The following XRN2 variants were observed in gnomAD, a reference collection of about 807,000 sequenced individuals.
XRN2 encodes DHM1-like protein.
A neutral mutation model predicts 138.5 loss-of-function variants in XRN2; 44 were observed. The ratio of observed to expected loss-of-function variants is 0.32; its 90% CI spans 0.25 to 0.41. The LOEUF is 0.41. Ranked by LOEUF, XRN2 falls within the 10% of genes least tolerant of loss-of-function variation. XRN2 has a pLI of 1.00. For synonymous variants in XRN2, 354 were observed against 369.4 expected, an observed-to-expected ratio of 0.96 and a Z score of 0.48; for missense variants, 937 against 1,169.3, an observed-to-expected ratio of 0.80 and a Z score of 2.90.
At chr20:21,341,544 C>T (rs1037880121) in intron 15 of XRN2, among the ~76,000 whole-genome samples, 2 of 152,130 alleles carry the variant, frequency 1.3e-5, no homozygotes, top group African/African-American at 4.8e-5. Flanking sequence ...ACTTTGTCCA[C>T]CACCTTCCTA....
At position 21,349,418 on chromosome 20, in the gene XRN2, A is replaced by C. The variant is rs761723362; in HGVS notation, c.1893A>C (p.Glu631Asp). Reference protein sequence around the residue: ...PDSSIIDFYPEDFAIDLNGKK... With the variant: ...PDSSIIDFYPDDFAIDLNGKK... ...CTAGTATAATTGACTTCTATCCTGA[A>C]GATTTTGCTATTGATTTGAATGGGA... The change falls in exon 20 of 30, where the codon GAA becomes GAC. Residue 631 changes from glutamate to aspartate, a missense_variant. This residue lies in a region of XRN2 where 372 missense variants were observed against 414.4 expected (regional missense o/e 0.90). Coordinates refer to ENST00000377191, the MANE Select transcript of XRN2 (RefSeq NM_012255.5). 2 of 1,608,674 alleles carry C rather than the reference A, an allele frequency of 1.2e-6. No homozygotes were observed. The highest frequency in any genetic ancestry group is 3.3e-5 in the Admixed American group (2 of 59,946).
At chr20:21,335,261 G>T (rs535155300) in intron 13 of XRN2, among the ~76,000 whole-genome samples, 1 of 152,266 alleles carries the variant, frequency 6.6e-6, no homozygotes, top group East Asian at 1.9e-4. Flanking sequence ...AGCAAGGGAG[G>T]CCAGCAGTGG....
At chr20:21,363,794 T>A (rs2038664014) in intron 24 of XRN2, among the ~76,000 whole-genome samples, 1 of 152,188 alleles carries the variant, frequency 6.6e-6, no homozygotes, top group Admixed American at 6.5e-5. Context: ...AGTGTAATCA[T>A]TGGAGGAATT....
intron 26 of XRN2, among the ~76,000 whole-genome samples, chr20:21,367,661 A>C (rs984319091): frequency 5.9e-5 from 9 of 152,262 alleles, no homozygotes; most frequent in Admixed American, 4.6e-4. Flanking sequence ...AGTGAGCCTA[A>C]TGTCTGTCAA....
chr20:21,378,562 G>A (rs1006650678), intron 27 of XRN2, among the ~76,000 whole-genome samples: 1 of 152,088 alleles, frequency 6.6e-6, no homozygotes, highest in Non-Finnish European at 1.5e-5. Context: ...AAAATAACCA[G>A]ACTAAATGAA....
chr20:21,372,156 C>T (rs577111038), intron 27 of XRN2, among the ~76,000 whole-genome samples: 77 of 152,302 alleles, frequency 5.1e-4, no homozygotes, highest in Middle Eastern at 3.4e-3. Context: ...TACCCTCTGC[C>T]TCGTGACTTG....
chr20:21,345,773 A>G (rs573105799), intron 16 of XRN2, among the ~76,000 whole-genome samples: 26 of 152,300 alleles, frequency 1.7e-4, no homozygotes, highest in African/African-American at 6.3e-4. Context: ...GTATACATAG[A>G]TATATAGAGA....
intron 1 of XRN2, among the ~76,000 whole-genome samples, chr20:21,314,194 G>A (rs2037926110): frequency 6.6e-6 from 1 of 152,104 alleles, no homozygotes. Context: ...GAATATGGTC[G>A]TTTCTGGCTG....
chr20:21,331,908 CTGG>C, intron 8 of XRN2, 90 bp downstream of exon 8: 1 of 1,405,194 alleles, frequency 7.1e-7, no homozygotes, highest in Non-Finnish European at 9.8e-7. Context: ...TCATGGTTAC[CTGG>C]AAGTTCCAAA....
Position 21,357,809 on chromosome 20 carries a change from T to A in XRN2, c.2255+17T>A. The A allele has an allele frequency of 6.3e-7, 1 of 1,596,270 alleles. No individual in the cohort carries two copies. The highest frequency in any genetic ancestry group is 1.2e-5 in the South Asian group (1 of 86,464). Reference sequence around the variant, plus strand: ...TGTAGTCAGGTAAGTTTTCCAAAATTCATGGCATTCACCCAGAACACAGCT... The same window carrying A: ...TGTAGTCAGGTAAGTTTTCCAAAATACATGGCATTCACCCAGAACACAGCT... On this transcript the variant is annotated intron_variant, in intron 24 of 29. Coordinates refer to ENST00000377191, the MANE Select transcript of XRN2 (RefSeq NM_012255.5).
chr20:21,346,688 C>T, intron 17 of XRN2, 138 bp downstream of exon 17: 1 of 1,020,228 alleles, frequency 9.8e-7, no homozygotes, highest in Non-Finnish European at 1.4e-6. Flanking sequence ...GGCGTGATCT[C>T]AACTCACTGC....
At chr20:21,376,510 G>C (rs770698404) in intron 27 of XRN2, among the ~76,000 whole-genome samples, 3 of 152,008 alleles carry the variant, frequency 2.0e-5, no homozygotes, top group African/African-American at 7.3e-5. Flanking sequence ...TTTAATTTGG[G>C]CACTAGTCTG....
At chr20:21,357,190 G>T (rs1003318213) in intron 23 of XRN2, among the ~76,000 whole-genome samples, 1 of 152,120 alleles carries the variant, frequency 6.6e-6, no homozygotes, top group Admixed American at 6.6e-5. Flanking sequence ...ATGGGTAAAT[G>T]TTCATAAATA....
intron 19 of XRN2, 80 bp from the exon 20 acceptor site, chr20:21,349,309 T>C (rs1316094519): frequency 2.0e-6 from 2 of 989,988 alleles, no homozygotes; most frequent in Non-Finnish European, 3.2e-6. Context: ...CCTTATAACT[T>C]GAATGAAAGT....
chr20:21,341,651 TACAC>T lies in XRN2; in HGVS notation c.1410+800_1410+803del, dbSNP rs1415992670. ...TGATCTAACAGTAGAGGAAGGAACA[TACAC>T]TTTTGCTATGATATATCCAAGGAAA... On this transcript the variant is annotated intron_variant, in intron 15 of 29. Transcript: ENST00000377191. Among the ~76,000 whole-genome samples, 320 of 152,314 alleles carry T rather than the reference TACAC, an allele frequency of 2.1e-3. 1 individual carries two copies. The highest frequency in any genetic ancestry group is 7.6e-3 in the African/African-American group (314 of 41,568).
In XRN2 at chr20:21,331,043, GGGCTGTCTTAAAT is replaced by G. The variant is rs2038200558; in HGVS notation, c.576+345_576+357del. ...TATACAGCAAAATTAGTAAGTTGTG[GGGCTGTCTTAAAT>G]GGCTGTGTTCCCAAATATTTAAATA... On this transcript the variant is annotated intron_variant, in intron 6 of 29. Transcript: ENST00000377191. Among the ~76,000 whole-genome samples the G allele has an allele frequency of 2.6e-5, 4 of 152,092 alleles. No homozygotes were observed. In the South Asian group the frequency reaches 8.3e-4, roughly 32 times the overall value.
intron 27 of XRN2, among the ~76,000 whole-genome samples, chr20:21,378,460 C>T: frequency 6.6e-6 from 1 of 152,142 alleles, no homozygotes; most frequent in Admixed American, 6.5e-5. Context: ...GACATAGCCC[C>T]TGGCCTCACT....
At chr20:21,361,476 G>A (rs1319558591) in intron 24 of XRN2, among the ~76,000 whole-genome samples, 1 of 152,174 alleles carries the variant, frequency 6.6e-6, no homozygotes, top group Non-Finnish European at 1.5e-5. Context: ...AGAATTAGAT[G>A]AAGCAATACG....
intron 27 of XRN2, among the ~76,000 whole-genome samples, chr20:21,380,702 C>T (rs2038873806): frequency 6.6e-6 from 1 of 152,170 alleles, no homozygotes; most frequent in Non-Finnish European, 1.5e-5. Flanking sequence ...GGGAATCTGC[C>T]TGGAAGTGAC....
Sources: allele counts gnomAD v4.1 joint callset (sites outside exome capture counted in the v4.1 genomes callset), GRCh38; gene constraint gnomAD v4.1.1; regional missense constraint gnomAD v4.1.1; transcripts MANE v1.5; gene names NCBI Gene and HGNC (gene_info 2026-07-23, HGNC 2026-07-21).